Variants in ANKFN1 observed in about 807,000 individuals in gnomAD.
ANKFN1 encodes ankyrin repeat and fibronectin type III domain containing 1, also known as ankyrin repeat and fibronectin type-III domain-containing protein 1.
ANKFN1 carries 74 observed loss-of-function variants against 108.7 expected under a neutral mutation model. The observed-to-expected ratio is 0.68, with a 90% CI of 0.56 to 0.83. ANKFN1 has a LOEUF of 0.83. ANKFN1 is among the 40% of genes least tolerant of loss of function. ANKFN1 has a pLI of 0.00. For synonymous variants in ANKFN1, 547 were observed against 516.2 expected (o/e 1.06, Z -0.81); for missense variants, 1,505 against 1,382.3 (o/e 1.09, Z -1.41).
At chr17:56,349,181 A>G (rs532924235) in intron 4 of ANKFN1, among the ~76,000 whole-genome samples, 1 of 152,256 alleles carries the variant, frequency 6.6e-6, no homozygotes, top group African/African-American at 2.4e-5. Flanking sequence ...GGATGATGAG[A>G]ACACATGGAC....
chr17:56,062,573 T>TTTTTTTTTTTTTTTTTTTTTTTTTTTTC lies in ANKFN1; in HGVS notation c.288+16248_288+16249insTTTTTTTTTTTTTTTTTTTTTTTTTTTC. ...TGTAATCTCTGCTTTTTTTTTTTTT[T>TTTTTTTTTTTTTTTTTTTTTTTTTTTTC]CTTTCCATTTGCTTGGTAAATTTTC... On this transcript the variant is annotated intron_variant, in intron 4 of 12. Coordinates refer to the ANKFN1 transcript ENST00000635860. Among the ~76,000 whole-genome samples, 27 of 145,128 alleles carry TTTTTTTTTTTTTTTTTTTTTTTTTTTTC rather than the reference T, an allele frequency of 1.9e-4. 1 individual carries two copies. Among genetic ancestry groups the TTTTTTTTTTTTTTTTTTTTTTTTTTTTC allele is most frequent in the African/African-American group, 6.8e-4 (24 of 35,224 alleles).
intron 1 of ANKFN1, among the ~76,000 whole-genome samples, chr17:56,175,879 CAGACGGTTTGAA>C (rs1279904734): frequency 3.1e-5 from 4 of 128,946 alleles, no homozygotes; most frequent in Admixed American, 1.0e-4. Context: ...CTCCACACTT[CAGACGGTTTGAA>C]ATGGCTAGAA....
intron 4 of ANKFN1, among the ~76,000 whole-genome samples, chr17:56,114,658 T>A (rs1409257456): frequency 1.3e-5 from 2 of 152,124 alleles, no homozygotes; most frequent in African/African-American, 4.8e-5. Context: ...CATGTCTTAA[T>A]CCCCAGAGCC....
intron 8 of ANKFN1, among the ~76,000 whole-genome samples, chr17:56,401,334 T>C (rs1332185593): frequency 1.9e-5 from 1 of 53,592 alleles, no homozygotes; most frequent in Non-Finnish European, 4.1e-5. Context: ...AAGTATTGTA[T>C]TGTATTGTAT....
At chr17:56,448,992 G>A (rs2049390295) in intron 10 of ANKFN1, 87 bp from the exon 11 acceptor site, 1 of 1,121,206 alleles carries the variant, frequency 8.9e-7, no homozygotes, top group Admixed American at 1.9e-5. Context: ...TGGGTAGTAT[G>A]AGCAAAACTC....
At chr17:56,091,541 A>G (rs1324036659) in intron 4 of ANKFN1, among the ~76,000 whole-genome samples, 1 of 151,124 alleles carries the variant, frequency 6.6e-6, no homozygotes, top group Non-Finnish European at 1.5e-5. Flanking sequence ...GCTTTTTAAC[A>G]AATGTGGAGC....
chr17:56,351,772 G>C (rs920226576), intron 5 of ANKFN1, among the ~76,000 whole-genome samples: 1 of 152,140 alleles, frequency 6.6e-6, no homozygotes, highest in Non-Finnish European at 1.5e-5. Context: ...TCATATAATA[G>C]TTTCTCAGAA....
intron 8 of ANKFN1, among the ~76,000 whole-genome samples, chr17:56,394,453 C>A (rs562560815): frequency 9.1e-4 from 139 of 152,344 alleles, no homozygotes; most frequent in African/African-American, 3.0e-3. Flanking sequence ...TATTGCCATG[C>A]AACTGTGAGA....
At chr17:56,449,005 G>A (rs2049391174) in intron 10 of ANKFN1, 74 bp from the exon 11 acceptor site, 3 of 1,312,800 alleles carry the variant, frequency 2.3e-6, no homozygotes, top group Admixed American at 1.8e-5. Flanking sequence ...CAAAACTCCG[G>A]CTCCTGACGC....
intron 8 of ANKFN1, among the ~76,000 whole-genome samples, chr17:56,416,151 C>A (rs113565470): frequency 1.3e-5 from 2 of 151,984 alleles, no homozygotes; most frequent in Non-Finnish European, 2.9e-5. Context: ...CATTGGTCTA[C>A]GTAAAAATTT....
intron 4 of ANKFN1, among the ~76,000 whole-genome samples, chr17:56,147,571 A>T (rs1908339586): frequency 6.6e-6 from 1 of 151,478 alleles, no homozygotes; most frequent in South Asian, 2.1e-4. Context: ...ATCAGATCTC[A>T]TGAGAACTAA....
In ANKFN1 at chr17:56,510,284, G is replaced by A. The variant is rs142930909; in HGVS notation, c.2645-189G>A. ...CCAGAGCCCACTACATAATTTGTGG[G>A]GTCCTGTGCAAAATGAAAATGTGGG... is the stretch of plus-strand genomic sequence containing the variant. On this transcript the variant is annotated intron_variant, in intron 20 of 20. Coordinates refer to ENST00000682825, the MANE Select transcript of ANKFN1 (RefSeq NM_001370326.1). Among the ~76,000 whole-genome samples, 1,376 of 152,216 alleles carry A rather than the reference G, an allele frequency of 9.0e-3. 20 individuals are homozygous for A. The highest frequency in any genetic ancestry group is 0.031 in the African/African-American group (1,289 of 41,508).
At chr17:56,206,587 G>A (rs908462173) in intron 1 of ANKFN1, 7 of 152,174 alleles carry the variant, frequency 4.6e-5, no homozygotes, top group Non-Finnish European at 7.3e-5. Context: ...GGGTGAGAAG[G>A]GTTGGCAGAA....
intron 18 of ANKFN1, among the ~76,000 whole-genome samples, chr17:56,484,483 A>T (rs1015936673): frequency 4.6e-5 from 7 of 152,240 alleles, no homozygotes; most frequent in African/African-American, 7.2e-5. Flanking sequence ...AGCTTCAATG[A>T]CTATGAGGCT....
chr17:56,348,899 A>G (rs1012467148), intron 4 of ANKFN1, among the ~76,000 whole-genome samples: 4 of 152,160 alleles, frequency 2.6e-5, no homozygotes, highest in African/African-American at 9.7e-5. Context: ...AGGAATATAA[A>G]CCATTCTATT....
In ANKFN1 at chr17:56,399,970, T is replaced by A. The variant is rs528164895; in HGVS notation, c.910+25256T>A. Reference sequence around the variant, plus strand: ...ATATATATATATATCACAATTTTTTTAATCCACTTGTGGATTGATGGGCAT... The same window carrying A: ...ATATATATATATATCACAATTTTTTAAATCCACTTGTGGATTGATGGGCAT... On this transcript the variant is annotated intron_variant, in intron 8 of 20. Transcript: ENST00000682825. Among the ~76,000 whole-genome samples, 7 of 150,050 alleles carry A rather than the reference T, an allele frequency of 4.7e-5. No homozygotes were observed. In the East Asian group the frequency reaches 1.4e-3, roughly 29 times the overall value.
At chr17:56,174,141 G>A in intron 1 of ANKFN1, 1 of 970,734 alleles carries the variant, frequency 1.0e-6, no homozygotes, top group Non-Finnish European at 1.2e-6. Context: ...GTTGGGAGGG[G>A]AGGGACTGCA....
rs569991716 is a variant in ANKFN1 at position 56,504,762 on chromosome 17, T to G, written c.2644+5664T>G. On this transcript the variant is annotated intron_variant, in intron 20 of 20. Coordinates refer to ENST00000682825, the MANE Select transcript of ANKFN1 (RefSeq NM_001370326.1). ...CCTCTGACTCCCAGGTTCAAGTGATTCTCGTGCTCAGCCTCCCGAGTAGCT... is the reference window on the plus strand; with the variant it reads ...CCTCTGACTCCCAGGTTCAAGTGATGCTCGTGCTCAGCCTCCCGAGTAGCT... Among the ~76,000 whole-genome samples, 11 of 152,118 alleles carry G rather than the reference T, an allele frequency of 7.2e-5. No homozygotes were observed. The South Asian group carries it at 2.1e-3, about 29-fold the overall frequency.
intron 19 of ANKFN1, among the ~76,000 whole-genome samples, chr17:56,497,057 C>A (rs141352589): frequency 3.3e-5 from 5 of 152,096 alleles, no homozygotes; most frequent in Non-Finnish European, 7.4e-5. Flanking sequence ...AAAACACAAT[C>A]CCTGTCCTTG....
Sources: gnomAD v4.1 joint callset for allele counts (sites outside exome capture counted in the v4.1 genomes callset) on GRCh38, gnomAD v4.1.1 for gene constraint, MANE v1.5 for transcripts, NCBI Gene and HGNC (gene_info 2026-07-23, HGNC 2026-07-21) for gene names.